The following ERICH6 variants were observed in gnomAD, a reference collection of about 807,000 sequenced individuals.
The protein encoded by ERICH6 is glutamate rich 6, also known as glutamate-rich protein 6.
A neutral mutation model predicts 71.0 loss-of-function variants in ERICH6; 71 were observed. That is an observed-to-expected ratio of 1.00 (90% CI 0.83 to 1.22). The LOEUF (loss-of-function observed/expected upper bound fraction) is 1.22, where lower values mean the gene tolerates loss of function less well. ERICH6 is among the 50% of genes most tolerant of loss of function. ERICH6 has a pLI of 0.00. For missense variants in ERICH6, 808 were observed against 797.2 expected, an observed-to-expected ratio of 1.01 and a Z score of -0.16; for synonymous variants, 262 against 278.4, an observed-to-expected ratio of 0.94 and a Z score of 0.59.
At position 150,702,127 on chromosome 3, in the gene ERICH6, A is replaced by G. The variant is rs766510891; in HGVS notation, c.455T>C (p.Ile152Thr). Residue 152 changes from isoleucine to threonine, a missense_variant, in exon 2 of 14, where the codon ATA (isoleucine) becomes ACA (threonine). This residue lies in a region of ERICH6 where 736 missense variants were observed against 712.2 expected (regional missense o/e 1.03). Coordinates refer to ENST00000295910, the MANE Select transcript of ERICH6 (RefSeq NM_152394.5). The stretch of plus-strand genomic sequence containing the variant: ...TTTGAAAACATTTTCTTACCTATCT[A>G]TACTCATTTCAGACATGTCTTTCCT... ...TFRKDMSEMSIDRNIHRNLSP... is the reference protein window; with the variant it reads ...TFRKDMSEMSTDRNIHRNLSP... The G allele has an allele frequency of 1.3e-6, 2 of 1,565,706 alleles. No homozygotes were observed. The highest frequency in any genetic ancestry group is 1.7e-6 in the Non-Finnish European group (2 of 1,146,012).
chr3:150,669,847 T>A (rs1164210533), intron 11 of ERICH6, among the ~76,000 whole-genome samples: 5 of 152,118 alleles, frequency 3.3e-5, no homozygotes, highest in Non-Finnish European at 7.4e-5. Flanking sequence ...GAAAACTCAA[T>A]GGATTTCAAA....
At chr3:150,663,623 C>T (rs934808474) in intron 13 of ERICH6, among the ~76,000 whole-genome samples, 18 of 152,088 alleles carry the variant, frequency 1.2e-4, no homozygotes, top group African/African-American at 3.6e-4. Context: ...CACAGGCATG[C>T]GCCACCATGT....
chr3:150,666,748 A>C (rs1331864721), intron 13 of ERICH6, 39 bp downstream of exon 13: 1 of 1,557,768 alleles, frequency 6.4e-7, no homozygotes, highest in Non-Finnish European at 8.8e-7. Flanking sequence ...TCTTATTATT[A>C]TTCTAAATGC....
intron 3 of ERICH6, among the ~76,000 whole-genome samples, chr3:150,691,156 T>A (rs112901381): frequency 0.19 from 29,623 of 152,164 alleles, 3,121 homozygotes; most frequent in African/African-American, 0.27. Context: ...TAACTTTAAA[T>A]GATGACTATC....
intron 13 of ERICH6, among the ~76,000 whole-genome samples, chr3:150,665,874 T>G (rs1413786900): frequency 2.0e-5 from 3 of 152,004 alleles, no homozygotes; most frequent in Admixed American, 6.6e-5. Context: ...TCCTTAAAGT[T>G]TAAGGGACCT....
At position 150,703,348 on chromosome 3, in the gene ERICH6, TGA is replaced by T. The variant is rs1713011422; in HGVS notation, c.403+146_403+147del. On this transcript the variant is annotated intron_variant, in intron 1 of 13. Transcript: ENST00000295910. ...GGGTTCAGTGTCTCTGACAAGGGCGTGAGAGAGATTAGGTGTGTGGAATGGTG... is the reference window on the plus strand; with the variant it reads ...GGGTTCAGTGTCTCTGACAAGGGCGTGAGAGATTAGGTGTGTGGAATGGTG... 2.9e-6 allele frequency: 4 copies of T among 1,399,132 alleles called. No individual in the cohort carries two copies. In the South Asian group the frequency reaches 6.3e-5, roughly 22 times the overall value. The allele number at this position is 1,399,132 out of a possible 1,614,324, so 86.7% of individuals were successfully genotyped here.
chr3:150,665,827 C>CAAA (rs530457228), intron 13 of ERICH6, among the ~76,000 whole-genome samples: 5 of 69,976 alleles, frequency 7.1e-5, no homozygotes, highest in African/African-American at 8.6e-5. Context: ...GGCTCCATCT[C>CAAA]AAAAAAAAAA....
At chr3:150,702,992 AAC>A (rs1559923846) in intron 1 of ERICH6, among the ~76,000 whole-genome samples, 1 of 32,972 alleles carries the variant, frequency 3.0e-5, no homozygotes, top group Non-Finnish European at 7.5e-5. Flanking sequence ...GGGGAGGGGG[AAC>A]AGAGAGAGAG....
chr3:150,685,604 T>G (rs886536729), intron 6 of ERICH6, 138 bp downstream of exon 6: 12 of 723,524 alleles, frequency 1.7e-5, no homozygotes, highest in Non-Finnish European at 2.2e-5. Context: ...ACACTCTAAG[T>G]GCTATTCTAA....
At chr3:150,680,743 T>C in intron 8 of ERICH6, 30 bp downstream of exon 8, 1 of 1,583,824 alleles carries the variant, frequency 6.3e-7, no homozygotes, top group Non-Finnish European at 8.6e-7. Flanking sequence ...CCGGCCTGTA[T>C]GAGTTTCAGT....
At chr3:150,685,390 C>A (rs1712137783) in intron 6 of ERICH6, among the ~76,000 whole-genome samples, 1 of 152,148 alleles carries the variant, frequency 6.6e-6, no homozygotes, top group Non-Finnish European at 1.5e-5. Context: ...TGGAGTGATG[C>A]AGCTGCAAGC....
At chr3:150,679,815 G>A (rs1711824734) in intron 9 of ERICH6, among the ~76,000 whole-genome samples, 1 of 152,024 alleles carries the variant, frequency 6.6e-6, no homozygotes, top group Admixed American at 6.6e-5. Context: ...CTGCCACCAT[G>A]CCCAGCTAAT....
At chr3:150,702,229 C>T in intron 1 of ERICH6, 51 bp from the exon 2 acceptor site, 1 of 880,846 alleles carries the variant, frequency 1.1e-6, no homozygotes, top group Non-Finnish European at 1.7e-6. Flanking sequence ...ATCAAAAGGT[C>T]AATTCTACCC....
intron 6 of ERICH6, among the ~76,000 whole-genome samples, chr3:150,684,685 T>C (rs903880301): frequency 1.3e-5 from 2 of 152,212 alleles, no homozygotes; most frequent in Non-Finnish European, 2.9e-5. Flanking sequence ...ATACTTGAGG[T>C]AAACTTTCTC....
At position 150,669,428 on chromosome 3, in the gene ERICH6, A is replaced by T. The variant is rs1711497056; in HGVS notation, c.1367T>A (p.Ile456Asn). 2 of 1,613,720 alleles carry T rather than the reference A, an allele frequency of 1.2e-6. No homozygotes were observed. The highest frequency in any genetic ancestry group is 1.7e-6 in the Non-Finnish European group (2 of 1,179,912). Residue 456 changes from isoleucine to asparagine, a missense_variant, in exon 12 of 14, where the codon ATC becomes AAC. This residue lies in a region of ERICH6 where 736 missense variants were observed against 712.2 expected (regional missense o/e 1.03). Transcript: ENST00000295910. ...QIFYPSGNLA[I>N]IRVPNKVNGF... ...ATTTACCTTGTTGGGCACTCGAATG[A>T]TGGCTAGGTTTCCAGATGGATAGCT... is the stretch of plus-strand genomic sequence containing the variant.
intron 3 of ERICH6, among the ~76,000 whole-genome samples, chr3:150,690,667 T>C (rs1261213453): frequency 6.6e-6 from 1 of 152,202 alleles, no homozygotes; most frequent in East Asian, 1.9e-4. Context: ...CAGTTATTGG[T>C]AAAGTAATAT....
intron 13 of ERICH6, among the ~76,000 whole-genome samples, chr3:150,663,678 AT>A (rs1267426399): frequency 3.9e-5 from 6 of 152,024 alleles, no homozygotes; most frequent in South Asian, 4.2e-4. Context: ...GGGTCTCACT[AT>A]GTTGCCCAAG....
At chr3:150,689,863 CA>C (rs1173104440) in intron 3 of ERICH6, among the ~76,000 whole-genome samples, 1 of 152,122 alleles carries the variant, frequency 6.6e-6, no homozygotes, top group Non-Finnish European at 1.5e-5. Context: ...ATGGGAACTC[CA>C]AGAGTGTAAA....
intron 13 of ERICH6, among the ~76,000 whole-genome samples, chr3:150,661,006 C>A (rs1444843797): frequency 6.6e-6 from 1 of 152,178 alleles, no homozygotes; most frequent in Non-Finnish European, 1.5e-5. Flanking sequence ...AAATATCACA[C>A]CATGACAGAA....
Sources: gnomAD v4.1 joint callset for allele counts (sites outside exome capture counted in the v4.1 genomes callset) on GRCh38, gnomAD v4.1.1 for gene constraint, gnomAD v4.1.1 regional missense constraint, MANE v1.5 for transcripts, NCBI Gene and HGNC (gene_info 2026-07-23, HGNC 2026-07-21) for gene names.